Variants in SCYL3 observed in about 807,000 individuals in gnomAD.
SCYL3 encodes the protein protein-associating with the carboxyl-terminal domain of ezrin.
Under a neutral mutation model 73.8 loss-of-function variants are expected in SCYL3, and 35 were observed. That is an observed-to-expected ratio of 0.47 (90% confidence interval 0.36 to 0.63). The LOEUF (loss-of-function observed/expected upper bound fraction) is 0.63. Among genes scored for constraint, SCYL3 ranks in the 20% least tolerant of loss-of-function variants. The pLI is 0.00. For synonymous variants in SCYL3, 277 were observed against 295.2 expected (o/e 0.94, Z 0.63); for missense variants, 712 against 798.9 (o/e 0.89, Z 1.31).
rs1660585022 is a variant in SCYL3 at position 169,873,602 on chromosome 1, A to C, written c.522+94T>G. On this transcript the variant is annotated intron_variant, in intron 5 of 12. Coordinates refer to ENST00000367771, the MANE Select transcript of SCYL3 (RefSeq NM_020423.7). ...AGGAATTATGAGGCATCTATAACTC[A>C]GTAAAGAAAGGAGTAAGCAGAGGAA... 3 of 753,348 alleles carry C rather than the reference A, an allele frequency of 4.0e-6. No homozygotes were observed. The East Asian group carries it at 7.7e-5, about 19-fold the overall frequency. The allele number at this position is 753,348 out of a possible 1,614,324, so 46.7% of individuals were successfully genotyped here. A position where few individuals can be genotyped will look rare whatever the true frequency, so the allele number is the denominator to read the frequency against.
At position 169,854,484 on chromosome 1, in the gene SCYL3, T is replaced by C; in HGVS notation, c.1793A>G (p.Glu598Gly). 6.2e-7 allele frequency: 1 copy of C among 1,614,112 alleles called. No homozygotes were observed. ...SQERPLKVPS[E>G]LGLGEEFTIQ... ...GGTGAATTCCTCTCCTAAACCAAGT[T>C]CTGATGGAACCTTAAGGGGCCTTTC... The change falls in exon 12 of 13, where the codon GAA (glutamate) becomes GGA (glycine). Residue 598 changes from glutamate to glycine, a missense_variant. By Grantham distance (98) the Glu-to-Gly change is moderately conservative (BLOSUM62 -2). Coordinates refer to ENST00000367771, the MANE Select transcript of SCYL3 (RefSeq NM_020423.7).
At chr1:169,865,866 C>T (rs1362535669) in intron 8 of SCYL3, among the ~76,000 whole-genome samples, 2 of 152,190 alleles carry the variant, frequency 1.3e-5, no homozygotes, top group Non-Finnish European at 2.9e-5. Context: ...CTAACCCCTG[C>T]TTCTCATTCA....
intron 2 of SCYL3, among the ~76,000 whole-genome samples, chr1:169,887,660 T>C (rs1661780181): frequency 6.6e-6 from 1 of 152,080 alleles, no homozygotes; most frequent in Non-Finnish European, 1.5e-5. Context: ...AAAAGCAAAA[T>C]TACCTAGCAA....
Position 169,888,829 on chromosome 1 carries a change from C to G in SCYL3, c.12G>C (p.Glu4Asp), listed in dbSNP as rs765662867. 1.2e-6 allele frequency: 2 copies of G among 1,611,358 alleles called. No individual in the cohort carries two copies. The highest frequency in any genetic ancestry group is 3.3e-5 in the Admixed American group (2 of 59,722). Residue 4 changes from glutamate (E) to aspartate (D), a missense_variant, in exon 2 of 13, where the codon GAG becomes GAC. By Grantham distance (45) the Glu-to-Asp change is conservative. This residue lies in a region of SCYL3 where 342 missense variants were observed against 448.1 expected (regional missense o/e 0.76). Transcript: ENST00000367771. The stretch of plus-strand genomic sequence containing the variant: ...GTGTATAGCTCTTTAAAGCACTGTT[C>G]TCTGATCCCATCCCTTATGCAGTGA... MGS[E>D]NSALKSYTLR...
At chr1:169,885,111 T>C (rs571923788) in intron 2 of SCYL3, among the ~76,000 whole-genome samples, 58 of 152,372 alleles carry the variant, frequency 3.8e-4, no homozygotes, top group East Asian at 1.9e-3. Context: ...CCCAAAGTTA[T>C]TGAATACCTA....
chr1:169,878,661 C>T lies in SCYL3; in HGVS notation c.324G>A (p.Leu108=), dbSNP rs147935620. The T allele has an allele frequency of 1.5e-3, 2,342 of 1,613,186 alleles. 6 individuals carry two copies. Among genetic ancestry groups the T allele is most frequent in the Middle Eastern group, 3.1e-3 (19 of 6,056 alleles). Residue 108 remains leucine (L), a synonymous_variant, in exon 3 of 13, where the codon TTG becomes TTA. Transcript: ENST00000367771. The part of the protein sequence containing the change: ...AEVCAGIYDI[L]LALIFLHDRG... Reference sequence around the variant, plus strand: ...TGTCATGAAGGAAGATAAGAGCCAGCAATATGTCATAGATCCCAGCACAGA... The same window carrying T: ...TGTCATGAAGGAAGATAAGAGCCAGTAATATGTCATAGATCCCAGCACAGA...
intron 9 of SCYL3, among the ~76,000 whole-genome samples, chr1:169,863,311 A>T (rs909174234): frequency 6.6e-6 from 1 of 152,238 alleles, no homozygotes; most frequent in Non-Finnish European, 1.5e-5. Flanking sequence ...TACCTTGTAG[A>T]GTTTTTGAAA....
rs115335903 is a variant in SCYL3 at position 169,867,731 on chromosome 1, G to A, written c.738-758C>T. On this transcript the variant is annotated intron_variant, in intron 7 of 12. Transcript: ENST00000367771. ...TTCAGCTGCCTCTGTAAGAGATGCT[G>A]ACCCTGGCTCCTACTGTTGTCTCTT... 5.7e-3 allele frequency among the ~76,000 whole-genome samples: 862 copies of A among 152,328 alleles called. 11 individuals carry two copies. Among genetic ancestry groups the A allele is most frequent in the African/African-American group, 0.02 (822 of 41,560 alleles).
At position 169,853,080 on chromosome 1, in the gene SCYL3, A is replaced by AAAGTTGAATCTAGTG. The variant is rs1553258065; in HGVS notation, c.*618_*632dup. The AAAGTTGAATCTAGTG allele has an allele frequency of 5.8e-6, 7 of 1,212,252 alleles. No homozygotes were observed. The East Asian group carries it at 1.7e-4, about 29-fold the overall frequency. 75.1% of individuals were successfully genotyped at this position (1,212,252 alleles called of 1,614,324 possible). A position where few individuals can be genotyped will look rare whatever the true frequency, so the allele number is the denominator to read the frequency against. On this transcript the variant is annotated 3_prime_UTR_variant, in exon 13 of 13. Transcript: ENST00000367771. ...CTAACAGATATAAAACAAATTTTGT[A>AAAGTTGAATCTAGTG]AAGTTGAATCTAGTGAAAATAATCT...
rs528451233 is a variant in SCYL3, at chr1:169,873,962, T to C, written c.466-210A>G. On this transcript the variant is annotated intron_variant, in intron 4 of 12. Coordinates refer to ENST00000367771, the MANE Select transcript of SCYL3 (RefSeq NM_020423.7). ...GCACAGCACAAGGCACAGTAATAAA[T>C]GGTAGTTCCTTTTCCTCTCCCCTTC... Among the ~76,000 whole-genome samples, 5 of 152,320 alleles carry C rather than the reference T, an allele frequency of 3.3e-5. No homozygotes were observed. The East Asian group carries it at 9.6e-4, about 29-fold the overall frequency.
At chr1:169,891,407 T>C (rs537546585) in intron 1 of SCYL3, among the ~76,000 whole-genome samples, 11 of 152,202 alleles carry the variant, frequency 7.2e-5, no homozygotes, top group Admixed American at 2.6e-4. Context: ...AGCCCCCTTT[T>C]CCTCAGGTAA....
intron 11 of SCYL3, among the ~76,000 whole-genome samples, chr1:169,858,479 A>G (rs1198224762): frequency 1.3e-5 from 2 of 152,206 alleles, no homozygotes; most frequent in African/African-American, 4.8e-5. Flanking sequence ...TTTCACAGTT[A>G]AAGTTTTTTC....
intron 11 of SCYL3, 109 bp from the exon 12 acceptor site, chr1:169,855,073 A>C: frequency 2.7e-6 from 2 of 741,582 alleles, no homozygotes; most frequent in South Asian, 3.9e-5. Flanking sequence ...ATTACTTGGA[A>C]ATATCCATGC....
intron 5 of SCYL3, 127 bp from the exon 6 acceptor site, chr1:169,870,484 GAATGT>G (rs1294980287): frequency 6.2e-6 from 4 of 644,346 alleles, no homozygotes; most frequent in Non-Finnish European, 1.1e-5. Context: ...CACCACACAT[GAATGT>G]ATAGATTCTT....
chr1:169,883,629 T>C (rs1661462924), intron 2 of SCYL3, among the ~76,000 whole-genome samples: 1 of 152,166 alleles, frequency 6.6e-6, no homozygotes, highest in Non-Finnish European at 1.5e-5. Flanking sequence ...GTATAATTTT[T>C]GTATCAGATG....
intron 1 of SCYL3, among the ~76,000 whole-genome samples, chr1:169,890,554 G>C (rs747958907): frequency 6.6e-6 from 1 of 152,082 alleles, no homozygotes; most frequent in Non-Finnish European, 1.5e-5. Flanking sequence ...TCTACACTGG[G>C]TATGTAATGC....
chr1:169,866,110 A>C (rs1051063519), intron 8 of SCYL3, among the ~76,000 whole-genome samples: 1 of 152,234 alleles, frequency 6.6e-6, no homozygotes, highest in East Asian at 1.9e-4. Flanking sequence ...AGATACTTCA[A>C]ACCAACATAT....
In SCYL3 at chr1:169,850,342, G is replaced by A; in HGVS notation, c.*3371C>T. ...AGAACAAAGTTGTATCCTTTCTGGA[G>A]AAGGTACTTTCTTTACATGGCTCAT... On this transcript the variant is annotated 3_prime_UTR_variant, in exon 13 of 13. Transcript: ENST00000367771. The A allele has an allele frequency of 6.3e-7, 1 of 1,599,320 alleles. No homozygotes were observed. Among genetic ancestry groups the A allele is most frequent in the Non-Finnish European group, 8.6e-7 (1 of 1,167,426 alleles).
rs1315705301 is a variant in SCYL3, at chr1:169,873,750, A to G, written c.468T>C (p.Phe156=). The G allele has an allele frequency of 1.3e-6, 2 of 1,598,582 alleles. No homozygotes were observed. The highest frequency in any genetic ancestry group is 4.5e-5 in the East Asian group (2 of 44,746). Residue 156 remains phenylalanine, a splice_region_variant and synonymous_variant, in exon 5 of 13, where the codon TTT becomes TTC. Transcript: ENST00000367771. ...CTCTTATTGACTGAATACTCCTCAG[A>G]AACTAGACAGAGAAATAAATTAAAG... ...VCKVSQATPE[F]LRSIQSIRDP... is the part of the protein sequence containing the mutation.
Sources: allele counts gnomAD v4.1 joint callset (sites outside exome capture counted in the v4.1 genomes callset), GRCh38; gene constraint gnomAD v4.1.1; regional missense constraint gnomAD v4.1.1; transcripts MANE v1.5; gene names NCBI Gene and HGNC (gene_info 2026-07-23, HGNC 2026-07-21).